The following MAP2 variants were observed in gnomAD, a reference collection of about 807,000 sequenced individuals.
MAP2 encodes the protein microtubule associated protein 2, also known as microtubule-associated protein 2.
In MAP2, 14 loss-of-function variants were observed where a neutral mutation model predicts 137.6. The observed-to-expected ratio is 0.10, with a 90% CI of 0.07 to 0.16. MAP2 has a LOEUF of 0.16. Ranked by LOEUF, MAP2 falls within the 10% of genes least tolerant of loss-of-function variation. MAP2 has a pLI of 1.00. For synonymous variants in MAP2, 786 were observed against 782.3 expected (o/e 1.00, Z -0.08); for missense variants, 2,088 against 2,191.5 (o/e 0.95, Z 0.94).
intron 13 of MAP2, among the ~76,000 whole-genome samples, chr2:209,721,080 G>A (rs189474729): frequency 1.3e-5 from 2 of 152,066 alleles, no homozygotes; most frequent in Admixed American, 1.3e-4. Context: ...ATTTGTAATT[G>A]ACCCTAGAGA....
At chr2:209,647,824 C>A (rs1221530684) in intron 4 of MAP2, among the ~76,000 whole-genome samples, 1 of 151,998 alleles carries the variant, frequency 6.6e-6, no homozygotes, top group Non-Finnish European at 1.5e-5. Context: ...TTTTAAAAAA[C>A]CGAAGTTTTA....
intron 4 of MAP2, among the ~76,000 whole-genome samples, chr2:209,642,339 C>G (rs2094102815): frequency 6.6e-6 from 1 of 150,546 alleles, no homozygotes; most frequent in African/African-American, 2.4e-5. Context: ...GAGGCTGAGG[C>G]TTGCTTGAGC....
intron 1 of MAP2, among the ~76,000 whole-genome samples, chr2:209,460,955 G>A (rs1702650611): frequency 6.6e-6 from 1 of 151,978 alleles, no homozygotes; most frequent in Admixed American, 6.6e-5. Context: ...CACCATGTTG[G>A]CCAGGCTGCT....
chr2:209,579,379 G>C (rs953818193), intron 2 of MAP2: 1 of 152,120 alleles, frequency 6.6e-6, no homozygotes, highest in African/African-American at 2.4e-5. Context: ...TTGGATGGAG[G>C]CAATTAAAAT....
At chr2:209,640,880 C>CTTTTT (rs71043944) in intron 4 of MAP2, among the ~76,000 whole-genome samples, 1 of 137,392 alleles carries the variant, frequency 7.3e-6, no homozygotes. Flanking sequence ...ATTATCTATT[C>CTTTTT]TTTTTTTTTT....
At chr2:209,424,537 G>A (rs1051890763) in intron 1 of MAP2, among the ~76,000 whole-genome samples, 1 of 152,216 alleles carries the variant, frequency 6.6e-6, no homozygotes, top group East Asian at 1.9e-4. Context: ...GAGTGAGCTT[G>A]TTAGGTACCA....
At chr2:209,599,787 A>G (rs1249366206) in intron 3 of MAP2, among the ~76,000 whole-genome samples, 1 of 152,132 alleles carries the variant, frequency 6.6e-6, no homozygotes, top group African/African-American at 2.4e-5. Context: ...CCGTACTTTG[A>G]AATTGGATAC....
At chr2:209,668,174 CAAGTA>C (rs1159624854) in intron 5 of MAP2, among the ~76,000 whole-genome samples, 2 of 151,958 alleles carry the variant, frequency 1.3e-5, no homozygotes, top group Non-Finnish European at 2.9e-5. Context: ...TCATTGTCTT[CAAGTA>C]AAGAGTGAGT....
chr2:209,702,365 A>G (rs1028662091), intron 11 of MAP2, among the ~76,000 whole-genome samples: 2 of 151,498 alleles, frequency 1.3e-5, no homozygotes, highest in Non-Finnish European at 2.9e-5. Context: ...CTAATCCCAT[A>G]TCCTTGTTCT....
intron 1 of MAP2, among the ~76,000 whole-genome samples, chr2:209,484,099 C>A (rs1297732137): frequency 6.6e-6 from 1 of 152,128 alleles, no homozygotes; most frequent in Non-Finnish European, 1.5e-5. Context: ...AGGTAAAAAT[C>A]TTTACCTCCT....
intron 1 of MAP2, among the ~76,000 whole-genome samples, chr2:209,502,889 G>A (rs1396199634): frequency 6.6e-6 from 1 of 151,930 alleles, no homozygotes; most frequent in East Asian, 1.9e-4. Context: ...GTCTTCTTTG[G>A]AAAAATGTCT....
chr2:209,638,245 G>A (rs1031767424), intron 4 of MAP2, among the ~76,000 whole-genome samples: 1 of 152,096 alleles, frequency 6.6e-6, no homozygotes, highest in African/African-American at 2.4e-5. Context: ...GGCACACTAA[G>A]ATAAATCTAC....
chr2:209,694,720 A>T lies in MAP2; in HGVS notation c.2550A>T (p.Val850=). Residue 850 remains valine (V), a synonymous_variant, in exon 8 of 16, where the codon GTA becomes GTT. Transcript: ENST00000682079. ...ATAGTCGTACTGGCTTGCCCCCGGT[A>T]ACTGATGAAAACCATGTCATTGTAA... ...VEDSRTGLPP[V]TDENHVIVKT... is the part of the protein sequence containing the mutation. The T allele has an allele frequency of 6.2e-7, 1 of 1,614,152 alleles. No homozygotes were observed. Among genetic ancestry groups the T allele is most frequent in the South Asian group, 1.1e-5 (1 of 91,088 alleles).
At chr2:209,486,412 T>C (rs1351756091) in intron 1 of MAP2, among the ~76,000 whole-genome samples, 1 of 152,028 alleles carries the variant, frequency 6.6e-6, no homozygotes, top group Non-Finnish European at 1.5e-5. Context: ...TTAGTAGAGG[T>C]GGGGTTTCTC....
chr2:209,450,663 A>G (rs1295784952), intron 1 of MAP2, among the ~76,000 whole-genome samples: 1 of 152,194 alleles, frequency 6.6e-6, no homozygotes, highest in Non-Finnish European at 1.5e-5. Context: ...ACACTTCTTC[A>G]GTATCTTCTA....
In MAP2 at chr2:209,522,093, C is replaced by A. The variant is rs1483498492; in HGVS notation, c.-172+14452C>A. ...GCTGCTTCTCATACTGGATATAGAA[C>A]AAGAGTCAGCATCATTTAAACCAGT... On this transcript the variant is annotated intron_variant, in intron 2 of 15. Coordinates refer to ENST00000682079, the MANE Select transcript of MAP2 (RefSeq NM_001375505.1). Among the ~76,000 whole-genome samples, 5 of 152,030 alleles carry A rather than the reference C, an allele frequency of 3.3e-5. No homozygotes were observed. The South Asian group carries it at 6.2e-4, about 19-fold the overall frequency.
At chr2:209,666,874 C>T (rs945910175) in intron 5 of MAP2, among the ~76,000 whole-genome samples, 5 of 151,652 alleles carry the variant, frequency 3.3e-5, no homozygotes, top group Admixed American at 2.0e-4. Context: ...TTTATAATAT[C>T]GAGCATTTTT....
chr2:209,641,821 A>C (rs1308100275), intron 4 of MAP2, among the ~76,000 whole-genome samples: 2 of 152,186 alleles, frequency 1.3e-5, no homozygotes, highest in Non-Finnish European at 2.9e-5. Flanking sequence ...TAGGCTCAGA[A>C]ATAGTATACA....
intron 3 of MAP2, among the ~76,000 whole-genome samples, chr2:209,595,606 G>A (rs1182673227): frequency 1.3e-5 from 2 of 152,094 alleles, no homozygotes; most frequent in Non-Finnish European, 2.9e-5. Flanking sequence ...TCCCATTACT[G>A]GGTATATACC....
Sources: gnomAD v4.1 joint callset for allele counts (sites outside exome capture counted in the v4.1 genomes callset) on GRCh38, gnomAD v4.1.1 for gene constraint, MANE v1.5 for transcripts, NCBI Gene and HGNC (gene_info 2026-07-23, HGNC 2026-07-21) for gene names.